The following OR56A3 variants were observed in gnomAD, a reference collection of about 807,000 sequenced individuals.
OR56A3 encodes olfactory receptor 56A3.
OR56A3 carries 23 observed loss-of-function variants against 17.5 expected under a neutral mutation model. That is an observed-to-expected ratio of 1.32 (90% CI 0.95 to 1.87). The LOEUF (loss-of-function observed/expected upper bound fraction) is 1.87, where lower values mean the gene tolerates loss of function less well. Ranked by LOEUF, OR56A3 falls within the 40% of genes most tolerant of loss-of-function variation. The pLI is 0.00. For synonymous variants in OR56A3, 175 were observed against 150.6 expected, an observed-to-expected ratio of 1.16 and a Z score of -1.19; for missense variants, 366 against 380.1, an observed-to-expected ratio of 0.96 and a Z score of 0.31.
At chr11:5,945,689 T>C (rs936698682) in intron 2 of OR56A3, among the ~76,000 whole-genome samples, 1 of 151,614 alleles carries the variant, frequency 6.6e-6, no homozygotes, top group African/African-American at 2.4e-5. Context: ...TAATAACATA[T>C]GGGCAGTTAA....
At chr11:5,958,455 G>GT in the OR56A3 span, among the ~76,000 whole-genome samples, 1 of 151,972 alleles carries the variant, frequency 6.6e-6, no homozygotes, top group African/African-American at 2.4e-5. Flanking sequence ...CTACTTTTCT[G>GT]TTTTTTATTG....
chr11:5,974,149 C>T, the OR56A3 span, among the ~76,000 whole-genome samples: 3 of 151,848 alleles, frequency 2.0e-5, no homozygotes, highest in African/African-American at 7.3e-5. Context: ...CCGTGTCACC[C>T]AGGCTGGTGT....
chr11:5,999,512 A>G, the OR56A3 span: 1 of 152,340 alleles, frequency 6.6e-6, no homozygotes, highest in East Asian at 1.9e-4. Flanking sequence ...AATTTAGCCA[A>G]ATTATTTTAT....
chr11:5,995,417 C>G, the OR56A3 span, among the ~76,000 whole-genome samples: 1 of 152,138 alleles, frequency 6.6e-6, no homozygotes, highest in Non-Finnish European at 1.5e-5. Context: ...AAACACACCT[C>G]CTTTTATTTT....
chr11:5,986,864 A>G, the OR56A3 span: 1 of 1,613,904 alleles, frequency 6.2e-7, no homozygotes, highest in Non-Finnish European at 8.5e-7. Flanking sequence ...GATAGCCTCC[A>G]GCTTGAATTG....
the OR56A3 span, among the ~76,000 whole-genome samples, chr11:6,003,452 T>C: frequency 3.9e-5 from 6 of 152,194 alleles, no homozygotes; most frequent in Non-Finnish European, 8.8e-5. Context: ...CTTATTCCAG[T>C]TCAAGTTTAC....
the OR56A3 span, among the ~76,000 whole-genome samples, chr11:5,962,531 C>CTT: frequency 1.2e-4 from 16 of 128,394 alleles, no homozygotes; most frequent in African/African-American, 3.1e-4. Context: ...CTGGGCTTTT[C>CTT]TTTTTTTTTT....
the OR56A3 span, among the ~76,000 whole-genome samples, chr11:5,959,777 TC>T: frequency 6.6e-6 from 1 of 152,224 alleles, no homozygotes; most frequent in Non-Finnish European, 1.5e-5. Context: ...TCTTATGTTT[TC>T]TCTAGTAGTT....
At chr11:5,960,627 C>T in the OR56A3 span, among the ~76,000 whole-genome samples, 6 of 152,200 alleles carry the variant, frequency 3.9e-5, no homozygotes, top group African/African-American at 1.2e-4. Flanking sequence ...ACCTCCCAGC[C>T]GCCTGCCTTG....
At chr11:6,015,694 G>T in the OR56A3 span, among the ~76,000 whole-genome samples, 1 of 152,146 alleles carries the variant, frequency 6.6e-6, no homozygotes, top group African/African-American at 2.4e-5. Context: ...GAGCTTTAAG[G>T]CTTAATGACT....
At chr11:5,962,247 C>T in the OR56A3 span, among the ~76,000 whole-genome samples, 9 of 152,182 alleles carry the variant, frequency 5.9e-5, no homozygotes, top group Admixed American at 3.9e-4. Context: ...TTGGATCTCA[C>T]TTGATTGTGG....
the OR56A3 span, among the ~76,000 whole-genome samples, chr11:6,006,596 T>G: frequency 6.6e-6 from 1 of 152,146 alleles, no homozygotes; most frequent in Non-Finnish European, 1.5e-5. Context: ...CATAGATGAA[T>G]GTAGGGAAGA....
the OR56A3 span, among the ~76,000 whole-genome samples, chr11:5,960,047 C>T: frequency 2.4e-4 from 36 of 152,034 alleles, no homozygotes; most frequent in Admixed American, 2.2e-3. Flanking sequence ...ATGCCAGTAC[C>T]GTACTGTTTT....
the OR56A3 span, among the ~76,000 whole-genome samples, chr11:5,966,601 C>A: frequency 3.3e-5 from 5 of 152,010 alleles, no homozygotes; most frequent in Non-Finnish European, 7.4e-5. Context: ...AGAGCATGAT[C>A]AGGATAAAAA....
At chr11:5,966,943 A>T in the OR56A3 span, among the ~76,000 whole-genome samples, 2 of 150,290 alleles carry the variant, frequency 1.3e-5, no homozygotes, top group Non-Finnish European at 2.9e-5. Flanking sequence ...TCATTTTAAG[A>T]TGTAAAAATC....
At chr11:6,003,158 T>C in the OR56A3 span, 1 of 1,529,172 alleles carries the variant, frequency 6.5e-7, no homozygotes, top group Non-Finnish European at 8.8e-7. Context: ...TCCTCCCTTA[T>C]ATTTAACCAA....
At chr11:6,003,406 C>A in the OR56A3 span, among the ~76,000 whole-genome samples, 3 of 152,176 alleles carry the variant, frequency 2.0e-5, no homozygotes, top group Non-Finnish European at 4.4e-5. Flanking sequence ...ATTTACTTTA[C>A]AATGATTTTC....
At chr11:5,970,319 A>G in the OR56A3 span, among the ~76,000 whole-genome samples, 3 of 152,256 alleles carry the variant, frequency 2.0e-5, no homozygotes, top group Admixed American at 1.3e-4. Context: ...GAACAGAGAC[A>G]TAATTGAAAA....
chr11:6,011,654 T>G, the OR56A3 span, among the ~76,000 whole-genome samples: 1 of 152,292 alleles, frequency 6.6e-6, no homozygotes, highest in East Asian at 1.9e-4. Context: ...CAGTGGTGCC[T>G]TTGCCTGAGT....
Sources: gnomAD v4.1 joint callset for allele counts (sites outside exome capture counted in the v4.1 genomes callset) on GRCh38, gnomAD v4.1.1 for gene constraint, MANE v1.5 for transcripts, NCBI Gene and HGNC (gene_info 2026-07-23, HGNC 2026-07-21) for gene names.